Variants in CUBN observed in about 807,000 individuals in gnomAD.
The protein encoded by CUBN is cubilin.
In CUBN, 282 loss-of-function variants were observed where a neutral mutation model predicts 405.3. The ratio of observed to expected loss-of-function variants is 0.70; its 90% CI spans 0.63 to 0.77. The LOEUF is 0.77. Ranked by LOEUF, CUBN falls within the 30% of genes least tolerant of loss-of-function variation. The probability of loss-of-function intolerance (pLI) is 0.00; values close to 1 mark genes in which losing one functional copy is unlikely to be tolerated. For missense variants in CUBN, 4,514 were observed against 4,475.2 expected (o/e 1.01, Z -0.25); for synonymous variants, 1,684 against 1,617.0 (o/e 1.04, Z -0.99).
At chr10:17,095,577 T>C (rs1237680269) in intron 14 of CUBN, among the ~76,000 whole-genome samples, 1 of 152,052 alleles carries the variant, frequency 6.6e-6, no homozygotes, top group Admixed American at 6.6e-5. Flanking sequence ...CTTGTTAGAA[T>C]GGCCATTATC....
chr10:16,910,083 T>C (rs1423337192), intron 48 of CUBN, among the ~76,000 whole-genome samples: 1 of 152,080 alleles, frequency 6.6e-6, no homozygotes, highest in East Asian at 1.9e-4. Flanking sequence ...CTTTTCTCTT[T>C]CTCCCTCTCC....
chr10:16,913,273 CTATT>C (rs1841784993), intron 48 of CUBN, among the ~76,000 whole-genome samples: 1 of 152,230 alleles, frequency 6.6e-6, no homozygotes, highest in Non-Finnish European at 1.5e-5. Context: ...AGTTAACAAT[CTATT>C]TGTTATTCAC....
chr10:17,075,232 C>T (rs186100372), intron 17 of CUBN, among the ~76,000 whole-genome samples: 293 of 151,710 alleles, frequency 1.9e-3, no homozygotes, highest in Non-Finnish European at 3.1e-3. Context: ...TGCAAGGGCA[C>T]GCCACCACGC....
chr10:16,878,590 T>C (rs1446477585), intron 56 of CUBN, among the ~76,000 whole-genome samples: 1 of 152,178 alleles, frequency 6.6e-6, no homozygotes, highest in Non-Finnish European at 1.5e-5. Context: ...TACCAAATGA[T>C]CCCTAGATTG....
In CUBN at chr10:16,947,419, A is replaced by T. The variant is rs749371599; in HGVS notation, c.5210-52T>A. Reference sequence around the variant, plus strand: ...TATCAGAGCAAAGACTGCATCAGACACTATAAAATAAAGGAGAAAGAACGC... The same window carrying T: ...TATCAGAGCAAAGACTGCATCAGACTCTATAAAATAAAGGAGAAAGAACGC... On this transcript the variant is annotated intron_variant, in intron 35 of 66. Coordinates refer to ENST00000377833, the MANE Select transcript of CUBN (RefSeq NM_001081.4). The T allele has an allele frequency of 9.4e-6, 15 of 1,595,714 alleles. No individual in the cohort carries two copies. The Admixed American group carries it at 2.5e-4, about 27-fold the overall frequency.
intron 57 of CUBN, among the ~76,000 whole-genome samples, chr10:16,876,393 A>C (rs1327818997): frequency 1.3e-5 from 2 of 152,200 alleles, no homozygotes; most frequent in East Asian, 3.8e-4. Context: ...AGAAGTTGTA[A>C]ATTATAGCAT....
chr10:17,017,379 A>G (rs997037892), intron 28 of CUBN, among the ~76,000 whole-genome samples: 1 of 152,092 alleles, frequency 6.6e-6, no homozygotes, highest in Non-Finnish European at 1.5e-5. Context: ...GAAAAATTGG[A>G]TTTAGTGGCC....
intron 15 of CUBN, 65 bp downstream of exon 15, chr10:17,088,099 C>CT: frequency 7.5e-7 from 1 of 1,336,820 alleles, no homozygotes; most frequent in Non-Finnish European, 1.1e-6. Context: ...ATGGGCATGG[C>CT]TAGACCATAG....
intron 58 of CUBN, 24 bp from the exon 59 acceptor site, chr10:16,869,877 C>G (rs374119308): frequency 1.3e-6 from 2 of 1,509,004 alleles, no homozygotes; most frequent in South Asian, 1.1e-5. Context: ...CTTGTTAATA[C>G]TGATGTTTCC....
chr10:17,022,564 T>G (rs2131788565), intron 27 of CUBN, among the ~76,000 whole-genome samples: 1 of 152,196 alleles, frequency 6.6e-6, no homozygotes, highest in East Asian at 1.9e-4. Flanking sequence ...GAACAGAAGC[T>G]TTTCACCTTA....
At chr10:17,042,227 G>A (rs1835036363) in intron 26 of CUBN, among the ~76,000 whole-genome samples, 2 of 152,132 alleles carry the variant, frequency 1.3e-5, no homozygotes, top group African/African-American at 4.8e-5. Context: ...TTAGGTCACA[G>A]TTTTGTCCAT....
intron 66 of CUBN, among the ~76,000 whole-genome samples, chr10:16,827,274 T>C (rs1317604196): frequency 1.3e-5 from 2 of 152,288 alleles, no homozygotes; most frequent in African/African-American, 4.8e-5. Flanking sequence ...AGTGTTTTTA[T>C]TGATATGTTA....
intron 64 of CUBN, among the ~76,000 whole-genome samples, chr10:16,833,505 G>A (rs796558532): frequency 9.9e-5 from 15 of 152,238 alleles, no homozygotes; most frequent in African/African-American, 2.9e-4. Flanking sequence ...ATAAAACTCC[G>A]CATCAGGAAT....
chr10:16,874,282 T>G, intron 58 of CUBN, 92 bp downstream of exon 58: 77 of 1,317,898 alleles, frequency 5.8e-5, no homozygotes, highest in Non-Finnish European at 8.0e-5. Flanking sequence ...AGACTGCCGA[T>G]GAGAATCAGT....
At chr10:17,072,015 C>T (rs1171460483) in intron 17 of CUBN, 44 bp from the exon 18 acceptor site, 1 of 1,528,564 alleles carries the variant, frequency 6.5e-7, no homozygotes, top group East Asian at 2.3e-5. Flanking sequence ...AATAAAGAAA[C>T]TTACGTCGGC....
rs1444109801 is a variant in CUBN, at chr10:16,825,882, TACTC to T, written c.10765-804_10765-801del. On this transcript the variant is annotated intron_variant, in intron 66 of 66. Coordinates refer to ENST00000377833, the MANE Select transcript of CUBN (RefSeq NM_001081.4). The stretch of plus-strand genomic sequence containing the variant: ...TCAAAACACAGGCTTATTTCCAAGA[TACTC>T]ACTTACTCAAGTGAGTGTAGATTTT... Among the ~76,000 whole-genome samples the T allele has an allele frequency of 6.0e-5, 9 of 150,904 alleles. No homozygotes were observed. In the East Asian group the frequency reaches 1.6e-3, roughly 27 times the overall value.
intron 28 of CUBN, among the ~76,000 whole-genome samples, chr10:17,010,760 C>G (rs906571508): frequency 6.6e-6 from 1 of 152,206 alleles, no homozygotes; most frequent in Admixed American, 6.5e-5. Context: ...ACGTTTCAAG[C>G]TGCAAGTAGC....
At chr10:16,850,468 T>TTTTATTTA in intron 60 of CUBN, among the ~76,000 whole-genome samples, 1 of 152,214 alleles carries the variant, frequency 6.6e-6, no homozygotes, top group African/African-American at 2.4e-5. Context: ...TACTTTTTTA[T>TTTTATTTA]TTTATTTATT....
chr10:16,835,963 T>C (rs1024540569), intron 63 of CUBN, among the ~76,000 whole-genome samples: 5 of 152,182 alleles, frequency 3.3e-5, no homozygotes, highest in African/African-American at 1.2e-4. Context: ...ATAAGATAAT[T>C]GGCATATTTT....
Sources: gnomAD v4.1 joint callset for allele counts (sites outside exome capture counted in the v4.1 genomes callset) on GRCh38, gnomAD v4.1.1 for gene constraint, MANE v1.5 for transcripts, NCBI Gene and HGNC (gene_info 2026-07-23, HGNC 2026-07-21) for gene names.